LMF1: variants seen among roughly 807,000 people sequenced by gnomAD.
LMF1 encodes the protein transmembrane protein 112.
In LMF1, 68 loss-of-function variants were observed where a neutral mutation model predicts 60.6. The ratio of observed to expected loss-of-function variants is 1.12; its 90% CI spans 0.92 to 1.37. LMF1 has a LOEUF of 1.37. LMF1 is among the 40% of genes most tolerant of loss of function. The pLI is 0.00. For missense variants in LMF1, 948 were observed against 767.2 expected (o/e 1.24, Z -2.78); for synonymous variants, 418 against 324.7 (o/e 1.29, Z -3.09).
intron 3 of LMF1, among the ~76,000 whole-genome samples, chr16:916,837 C>T (rs576864411): frequency 1.8e-3 from 271 of 152,348 alleles, no homozygotes; most frequent in Non-Finnish European, 2.8e-3. Flanking sequence ...GTCAGGAACA[C>T]CCCTCTCCTG....
upstream of LMF1, among the ~76,000 whole-genome samples, chr16:972,626 T>C (rs928339133): frequency 3.3e-5 from 5 of 152,220 alleles, no homozygotes; most frequent in African/African-American, 1.2e-4. Flanking sequence ...CGAGAGGGAC[T>C]GCCCTGCGTC....
chr16:979,921 CG>C (rs1274549677), intron 1 of LMF1: 1 of 364,968 alleles, frequency 2.7e-6, no homozygotes, highest in South Asian at 2.0e-5. Context: ...CGGAAGGATG[CG>C]GGGACCCCGA....
At chr16:922,793 C>T (rs1440214979) in intron 3 of LMF1, among the ~76,000 whole-genome samples, 5 of 92,312 alleles carry the variant, frequency 5.4e-5, no homozygotes, top group East Asian at 7.6e-4. Context: ...CCTGGGTTTT[C>T]GGGTGTGATG....
intron 10 of LMF1, among the ~76,000 whole-genome samples, chr16:857,670 C>T (rs1596824033): frequency 1.6e-5 from 1 of 64,018 alleles, no homozygotes; most frequent in Non-Finnish European, 2.6e-5. Context: ...AGTGGTGTCA[C>T]GGGACGGGTG....
intron 1 of LMF1, among the ~76,000 whole-genome samples, chr16:959,272 G>A (rs972015300): frequency 2.0e-5 from 3 of 152,198 alleles, no homozygotes; most frequent in African/African-American, 7.2e-5. Context: ...CAATAACATG[G>A]ATGAATCTTA....
intron 5 of LMF1, among the ~76,000 whole-genome samples, chr16:880,078 G>A (rs1258067980): frequency 1.3e-5 from 2 of 152,192 alleles, no homozygotes; most frequent in Non-Finnish European, 2.9e-5. Context: ...GTCGGAGAAC[G>A]CGCCGCCTGC....
At chr16:953,025 CCA>C (rs1378669764) in intron 2 of LMF1, among the ~76,000 whole-genome samples, 1 of 36,992 alleles carries the variant, frequency 2.7e-5, no homozygotes, top group East Asian at 7.2e-4. Flanking sequence ...TCCTACATAT[CCA>C]CACAGACACC....
chr16:952,649 C>T (rs1220490678), intron 2 of LMF1: 1 of 153,660 alleles, frequency 6.5e-6, no homozygotes, highest in African/African-American at 2.4e-5. Flanking sequence ...CCTCCTGTCT[C>T]CCGTCCACGA....
At chr16:868,079 T>TCCTGCTACCTCCA (rs1422488292) in intron 10 of LMF1, among the ~76,000 whole-genome samples, 1 of 152,064 alleles carries the variant, frequency 6.6e-6, no homozygotes, top group Non-Finnish European at 1.5e-5. Context: ...TCTGCTCTGT[T>TCCTGCTACCTCCA]CCTGCTACCT....
Position 960,271 on chromosome 16 carries a change from CT to C in LMF1, c.194-5606del, listed in dbSNP as rs1183544364. Among the ~76,000 whole-genome samples the C allele has an allele frequency of 7.8e-4, 117 of 149,246 alleles. 17 individuals carry two copies. Among genetic ancestry groups the C allele is most frequent in the Middle Eastern group, 6.9e-3 (2 of 290 alleles). ...GAGCAGCAAACTCACAGTGACAGCACTGGATCATAACCCAGACAAAGACTCA... is the reference window on the plus strand; with the variant it reads ...GAGCAGCAAACTCACAGTGACAGCACGGATCATAACCCAGACAAAGACTCA... On this transcript the variant is annotated intron_variant, in intron 1 of 10. Coordinates refer to ENST00000262301, the MANE Select transcript of LMF1 (RefSeq NM_022773.4).
chr16:959,320 G>C (rs1177447771), intron 1 of LMF1, among the ~76,000 whole-genome samples: 3 of 152,198 alleles, frequency 2.0e-5, no homozygotes, highest in African/African-American at 7.2e-5. Context: ...AGACCCAACA[G>C]GCTATATACT....
At chr16:884,294 G>T (rs539316118) in intron 5 of LMF1, 1 of 152,018 alleles carries the variant, frequency 6.6e-6, no homozygotes, top group East Asian at 1.9e-4. Flanking sequence ...CATCATAATC[G>T]AATATTGCTT....
At position 962,179 on chromosome 16, in the gene LMF1, G is replaced by A. The variant is rs1460848540; in HGVS notation, c.194-7513C>T. On this transcript the variant is annotated intron_variant, in intron 1 of 10. Coordinates refer to ENST00000262301, the MANE Select transcript of LMF1 (RefSeq NM_022773.4). This position sits in a 1 kb window ranked among gnomAD's most constrained non-coding sequence, Gnocchi z 4.5. The stretch of plus-strand genomic sequence containing the variant: ...GATCACGACCCAGACACAGACTCAC[G>A]GTGACAGCACGGGATCACGACCCAG... 1.4e-5 allele frequency among the ~76,000 whole-genome samples: 1 copy of A among 69,068 alleles called. No homozygotes were observed. Among genetic ancestry groups the A allele is most frequent in the Non-Finnish European group, 2.6e-5 (1 of 38,248 alleles). 45.3% of individuals were successfully genotyped at this position (69,068 alleles called of 152,430 possible). A position where few individuals can be genotyped will look rare whatever the true frequency, so the allele number is the denominator to read the frequency against.
intron 5 of LMF1, among the ~76,000 whole-genome samples, chr16:887,510 T>C (rs2070344717): frequency 6.6e-6 from 1 of 152,054 alleles, no homozygotes; most frequent in African/African-American, 2.4e-5. Context: ...GAGGCTTCTG[T>C]CAGCAAGGCT....
intron 1 of LMF1, chr16:979,881 C>T: frequency 5.0e-6 from 2 of 403,898 alleles, no homozygotes; most frequent in Non-Finnish European, 1.0e-5. Flanking sequence ...ATGAGTTCCG[C>T]GGGCGCCCCA....
Position 954,617 on chromosome 16 carries a change from G to A in LMF1, c.243C>T (p.Asp81=). ...AFHQNKQLIG[D]RGLLPCRVFL... Reference sequence around the variant, plus strand: ...ACACTCTGCAGGGAAGCAGCCCCCTGTCACCGATGAGCTGCTTGTTCTGAT... The same window carrying A: ...ACACTCTGCAGGGAAGCAGCCCCCTATCACCGATGAGCTGCTTGTTCTGAT... Residue 81 remains aspartate (D), a synonymous_variant, in exon 2 of 11, where the codon GAC becomes GAT. Transcript: ENST00000262301. 1 of 1,609,530 alleles carries A rather than the reference G, an allele frequency of 6.2e-7. No homozygotes were observed. Among genetic ancestry groups the A allele is most frequent in the Non-Finnish European group, 8.5e-7 (1 of 1,176,846 alleles).
chr16:884,885 C>T (rs140068594), intron 5 of LMF1: 3 of 146,186 alleles, frequency 2.1e-5, no homozygotes, highest in East Asian at 4.3e-4. Context: ...AGAATGATCA[C>T]GGATGGAAGC....
intron 2 of LMF1, among the ~76,000 whole-genome samples, chr16:938,720 C>T (rs1272462642): frequency 6.6e-6 from 1 of 152,076 alleles, no homozygotes; most frequent in East Asian, 1.9e-4. Context: ...CTCCCACGGA[C>T]AGATGGATGG....
rs777832678 is a variant in LMF1 at position 970,950 on chromosome 16, G to A, written c.31C>T (p.Pro11Ser). MRPDSPTMAA[P>S]AESLRRRKTG... ...TTCCGCCTCCTCAGCGACTCCGCGGGCGCCGCCATTGTTGGGCTGTCAGGG... is the reference window on the plus strand; with the variant it reads ...TTCCGCCTCCTCAGCGACTCCGCGGACGCCGCCATTGTTGGGCTGTCAGGG... Residue 11 changes from proline to serine, a missense_variant, in exon 1 of 11, where the codon CCC becomes TCC. Transcript: ENST00000262301. The A allele has an allele frequency of 1.9e-6, 3 of 1,541,132 alleles. No homozygotes were observed. The highest frequency in any genetic ancestry group is 3.6e-5 in the Admixed American group (2 of 54,848).
Sources: gnomAD v4.1 joint callset for allele counts (sites outside exome capture counted in the v4.1 genomes callset) on GRCh38, gnomAD v4.1.1 for gene constraint, Gnocchi (gnomAD v3.1) non-coding constraint, MANE v1.5 for transcripts, NCBI Gene and HGNC (gene_info 2026-07-23, HGNC 2026-07-21) for gene names.